The following GBP4 variants were observed in gnomAD, a reference collection of about 807,000 sequenced individuals.
The protein encoded by GBP4 is guanylate-binding protein 4.
Under a neutral mutation model 62.2 loss-of-function variants are expected in GBP4, and 69 were observed. The observed-to-expected ratio is 1.11, with a 90% CI of 0.91 to 1.36. The LOEUF is 1.36. Ranked by LOEUF, GBP4 falls within the 40% of genes most tolerant of loss-of-function variation. The pLI is 0.00. For missense variants in GBP4, 697 were observed against 759.3 expected, an observed-to-expected ratio of 0.92 and a Z score of 0.96; for synonymous variants, 278 against 274.6, an observed-to-expected ratio of 1.01 and a Z score of -0.12.
In GBP4 at chr1:89,191,460, G is replaced by A; in HGVS notation, c.717C>T (p.Ile239=). 6.2e-7 allele frequency: 1 copy of A among 1,613,574 alleles called. No individual in the cohort carries two copies. The part of the protein sequence containing the change: ...IQNSNMPREC[I]RHFFRKRKCF... ...ACTTCCGTTTTCGGAAGAAATGCCT[G>A]ATACACTCTCTAGGCATGTTTGAAT... The change falls in exon 6 of 11, where the codon ATC becomes ATT. Residue 239 remains isoleucine (I), a synonymous_variant. Coordinates refer to ENST00000355754, the MANE Select transcript of GBP4 (RefSeq NM_052941.5).
At position 89,191,246 on chromosome 1, in the gene GBP4, C is replaced by T; in HGVS notation, c.916+15G>A. On this transcript the variant is annotated intron_variant, in intron 6 of 10. Coordinates refer to ENST00000355754, the MANE Select transcript of GBP4 (RefSeq NM_052941.5). ...GACCACAGACAGACATGCTTTGGGA[C>T]AAAAAAAGACTCACGCTTTCCAGTG... 3 of 1,607,634 alleles carry T rather than the reference C, an allele frequency of 1.9e-6. No homozygotes were observed. Among genetic ancestry groups the T allele is most frequent in the Non-Finnish European group, 2.6e-6 (3 of 1,174,610 alleles).
intron 6 of GBP4, 88 bp downstream of exon 6, chr1:89,191,173 A>G: frequency 1.4e-6 from 2 of 1,446,956 alleles, no homozygotes; most frequent in Non-Finnish European, 1.9e-6. Flanking sequence ...ACAGAAGCAA[A>G]CAATATTATT....
rs1391252011 is a variant in GBP4, at chr1:89,186,314, A to G, written c.1707+19T>C. 6.2e-7 allele frequency: 1 copy of G among 1,606,872 alleles called. No homozygotes were observed. The highest frequency in any genetic ancestry group is 1.3e-5 in the African/African-American group (1 of 74,776). ...AGGGCATTGTCCCTCAGGCACTGCC[A>G]TTCTTCACGGAGACTCACCTTCAGC... On this transcript the variant is annotated intron_variant, in intron 10 of 10. Coordinates refer to ENST00000355754, the MANE Select transcript of GBP4 (RefSeq NM_052941.5).
chr1:89,187,526 A>G (rs996380956), intron 8 of GBP4, among the ~76,000 whole-genome samples: 2 of 152,212 alleles, frequency 1.3e-5, no homozygotes, highest in Non-Finnish European at 2.9e-5. Context: ...CAGTAAAATG[A>G]AAAAGAATTT....
At position 89,192,908 on chromosome 1, in the gene GBP4, A is replaced by G. The variant is rs1421286868; in HGVS notation, c.666T>C (p.Ile222=). ...ATCCAGGCCATGCTCTGATACCTGG[A>G]ATCAGCTTCAAGGCATTCTCCAGGT... is the stretch of plus-strand genomic sequence containing the variant. ...DEYLENALKL[I]PGKNPKIQNS... The change falls in exon 5 of 11, where the codon ATT becomes ATC. Residue 222 remains isoleucine (I), a synonymous_variant. Transcript: ENST00000355754. 6.2e-7 allele frequency: 1 copy of G among 1,613,580 alleles called. No individual in the cohort carries two copies. The highest frequency in any genetic ancestry group is 8.5e-7 in the Non-Finnish European group (1 of 1,179,572).
chr1:89,191,483 A>G lies in GBP4; in HGVS notation c.694T>C (p.Ser232Pro). Residue 232 changes from serine (S) to proline (P), a missense_variant, in exon 6 of 11, where the codon TCA becomes CCA. Physicochemically the swap from Ser to Pro is moderately conservative, Grantham distance 74. Coordinates refer to ENST00000355754, the MANE Select transcript of GBP4 (RefSeq NM_052941.5). The stretch of plus-strand genomic sequence containing the variant: ...CTGATACACTCTCTAGGCATGTTTG[A>G]ATTTTGAATTTTGGGATTCTTGCCT... ...IPGKNPKIQNSNMPRECIRHF... is the reference protein window; with the variant it reads ...IPGKNPKIQNPNMPRECIRHF... The G allele has an allele frequency of 6.2e-7, 1 of 1,612,876 alleles. No homozygotes were observed. The highest frequency in any genetic ancestry group is 1.7e-5 in the Admixed American group (1 of 59,956).
intron 6 of GBP4, 25 bp downstream of exon 6, chr1:89,191,236 T>C (rs762020723): frequency 6.2e-7 from 1 of 1,606,378 alleles, no homozygotes; most frequent in Non-Finnish European, 8.5e-7. Context: ...CAGACAGACA[T>C]GCTTTGGGAC....
chr1:89,193,990 T>C (rs375977855), intron 3 of GBP4, among the ~76,000 whole-genome samples: 1 of 152,182 alleles, frequency 6.6e-6, no homozygotes, highest in African/African-American at 2.4e-5. Context: ...TAAATGTGAA[T>C]AGTTACTCTG....
At position 89,197,300 on chromosome 1, in the gene GBP4, A is replaced by T; in HGVS notation, c.45T>A (p.Tyr15Ter). 6.2e-7 allele frequency: 1 copy of T among 1,613,448 alleles called. No homozygotes were observed. Among genetic ancestry groups the T allele is most frequent in the East Asian group, 2.2e-5 (1 of 44,884 alleles). The change falls in exon 2 of 11, where the codon TAT (tyrosine) becomes TAA (stop). Residue 15 changes from tyrosine to a stop codon, truncating the protein, a stop_gained. Transcript: ENST00000355754. LOFTEE classifies it high-confidence loss of function. ...CCATCATGATGGATTCAGATTCTGG[A>T]TAACCTGTAACCCAGAAAAAAATAC... ...TLHAAVPTPG[Y>*]PESESIMMAP...
At chr1:89,195,546 C>T (rs938069703) in intron 2 of GBP4, 122 bp from the exon 3 acceptor site, 80 of 1,103,412 alleles carry the variant, frequency 7.3e-5, no homozygotes, top group Non-Finnish European at 9.3e-5. Flanking sequence ...TTGTTTCCAT[C>T]TCAGGCAGGA....
rs1647957395 is a variant in GBP4 at position 89,183,856 on chromosome 1, G to T, written c.*1398C>A. The T allele has an allele frequency of 6.6e-6, 1 of 152,006 alleles. No homozygotes were observed. The highest frequency in any genetic ancestry group is 1.5e-5 in the Non-Finnish European group (1 of 68,024). The allele number at this position is 152,006 out of a possible 1,614,324, so 9.4% of individuals were successfully genotyped here. On this transcript the variant is annotated 3_prime_UTR_variant, in exon 11 of 11. Coordinates refer to ENST00000355754, the MANE Select transcript of GBP4 (RefSeq NM_052941.5). Reference sequence around the variant, plus strand: ...GTTTGTGCTACTGCACTCCAGCCTGGGTGTCAAAGTGAGACCCTGTTTCAA... The same window carrying T: ...GTTTGTGCTACTGCACTCCAGCCTGTGTGTCAAAGTGAGACCCTGTTTCAA...
chr1:89,192,510 G>C (rs886204193), intron 5 of GBP4, among the ~76,000 whole-genome samples: 1 of 152,112 alleles, frequency 6.6e-6, no homozygotes, highest in African/African-American at 2.4e-5. Flanking sequence ...TTGTGATTCT[G>C]TGTTTACCAG....
intron 1 of GBP4, 114 bp from the exon 2 acceptor site, chr1:89,197,418 C>T: frequency 1.4e-6 from 1 of 715,734 alleles, no homozygotes; most frequent in Non-Finnish European, 2.2e-6. Context: ...TATAAAATTT[C>T]TACATTTTAA....
chr1:89,191,923 T>C (rs568401600), intron 5 of GBP4, among the ~76,000 whole-genome samples: 21 of 152,120 alleles, frequency 1.4e-4, no homozygotes, highest in Admixed American at 1.4e-3. Flanking sequence ...ATAAGAAAAA[T>C]ATGTTTCTTA....
At position 89,190,101 on chromosome 1, in the gene GBP4, G is replaced by C; in HGVS notation, c.1134C>G (p.Ala378=). 1.9e-6 allele frequency: 3 copies of C among 1,614,120 alleles called. No individual in the cohort carries two copies. Among genetic ancestry groups the C allele is most frequent in the Non-Finnish European group, 2.5e-6 (3 of 1,179,990 alleles). ...LDVHAACERE[A]IAVFMEHSFK... ...AGGAGTGCTCCATGAAGACTGCAATGGCTTCCCTCTCACAGGCTGCATGCA... is the reference window on the plus strand; with the variant it reads ...AGGAGTGCTCCATGAAGACTGCAATCGCTTCCCTCTCACAGGCTGCATGCA... Residue 378 remains alanine, a synonymous_variant, in exon 7 of 11, where the codon GCC becomes GCG. Coordinates refer to ENST00000355754, the MANE Select transcript of GBP4 (RefSeq NM_052941.5).
At chr1:89,190,851 C>T (rs1324333) in intron 6 of GBP4, among the ~76,000 whole-genome samples, 10,617 of 151,930 alleles carry the variant, frequency 0.07, 1,237 homozygotes, top group African/African-American at 0.24. Flanking sequence ...AAGCTAGCCC[C>T]GTACTTAATA....
At chr1:89,186,583 C>A in intron 9 of GBP4, 57 bp from the exon 10 acceptor site, 3 of 1,489,616 alleles carry the variant, frequency 2.0e-6, no homozygotes, top group South Asian at 1.2e-5. Context: ...TGAGTTCTAC[C>A]CTCCTGAGCT....
chr1:89,185,386 A>C lies in GBP4; in HGVS notation c.1791T>G (p.Ile597Met), dbSNP rs776017097. 6.3e-7 allele frequency: 1 copy of C among 1,597,270 alleles called. No individual in the cohort carries two copies. The highest frequency in any genetic ancestry group is 1.3e-5 in the African/African-American group (1 of 74,686). ...NKEINQLKEK[I>M]ESTKNEQLRL... is the part of the protein sequence containing the mutation. Reference sequence around the variant, plus strand: ...TTAACTGTTCATTTTTAGTGCTTTCAATTTTTTCTTTCAGTTGATTAATCT... The same window carrying C: ...TTAACTGTTCATTTTTAGTGCTTTCCATTTTTTCTTTCAGTTGATTAATCT... Residue 597 changes from isoleucine (I) to methionine (M), a missense_variant, in exon 11 of 11, where the codon ATT (isoleucine) becomes ATG (methionine). By Grantham distance (10) the Ile-to-Met change is conservative. This residue lies in a region of GBP4 where 141 missense variants were observed against 196.6 expected (regional missense o/e 0.72). Transcript: ENST00000355754.
intron 2 of GBP4, 125 bp from the exon 3 acceptor site, chr1:89,195,549 A>C: frequency 6.5e-6 from 7 of 1,080,268 alleles, no homozygotes; most frequent in East Asian, 2.6e-5. Flanking sequence ...TTTCCATCTC[A>C]GGCAGGACAA....
Sources: allele counts gnomAD v4.1 joint callset (sites outside exome capture counted in the v4.1 genomes callset), GRCh38; gene constraint gnomAD v4.1.1; regional missense constraint gnomAD v4.1.1; transcripts MANE v1.5; gene names NCBI Gene and HGNC (gene_info 2026-07-23, HGNC 2026-07-21).